MARK3: variants seen among roughly 807,000 people sequenced by gnomAD.
MARK3 encodes MAP/microtubule affinity-regulating kinase 3.
Under a neutral mutation model 90.1 loss-of-function variants are expected in MARK3, and 46 were observed. The ratio of observed to expected loss-of-function variants is 0.51; its 90% CI spans 0.40 to 0.65. The LOEUF is 0.65. Among genes scored for constraint, MARK3 ranks in the 30% least tolerant of loss-of-function variants. The probability of loss-of-function intolerance (pLI) is 0.00; values close to 1 mark genes in which losing one functional copy is unlikely to be tolerated. For missense variants in MARK3, 818 were observed against 947.2 expected, an observed-to-expected ratio of 0.86 and a Z score of 1.79; for synonymous variants, 321 against 332.6, an observed-to-expected ratio of 0.97 and a Z score of 0.38.
intron 4 of MARK3, among the ~76,000 whole-genome samples, chr14:103,450,561 T>C (rs2093111238): frequency 6.6e-6 from 1 of 152,220 alleles, no homozygotes; most frequent in Non-Finnish European, 1.5e-5. Context: ...TAGAAGAGTT[T>C]TATTTTCATG....
chr14:103,449,818 A>G (rs753298175), intron 4 of MARK3, among the ~76,000 whole-genome samples: 2 of 152,246 alleles, frequency 1.3e-5, no homozygotes, highest in Non-Finnish European at 2.9e-5. Context: ...ATACAATCTA[A>G]AAATAATATT....
intron 1 of MARK3, among the ~76,000 whole-genome samples, chr14:103,390,950 G>A (rs943000591): frequency 1.3e-5 from 2 of 152,078 alleles, no homozygotes; most frequent in Admixed American, 1.3e-4. Context: ...GGCTCAAGCA[G>A]GCCTCCTGTC....
chr14:103,424,297 C>T (rs2092326715), intron 2 of MARK3, among the ~76,000 whole-genome samples: 1 of 151,754 alleles, frequency 6.6e-6, no homozygotes, highest in South Asian at 2.1e-4. Flanking sequence ...CTTCGGGAGG[C>T]TGAGGTGGGC....
At chr14:103,405,411 CAT>C in intron 2 of MARK3, 144 bp downstream of exon 2, 5 of 571,672 alleles carry the variant, frequency 8.7e-6, no homozygotes, top group Non-Finnish European at 1.4e-5. Context: ...AGTGCAGTGG[CAT>C]GATCTCAGCT....
chr14:103,409,472 A>T (rs7147640), intron 2 of MARK3, among the ~76,000 whole-genome samples: 47,717 of 140,154 alleles, frequency 0.34, 8,723 homozygotes, highest in East Asian at 0.51. Context: ...AAAAGGAAAA[A>T]CTTTGAACAA....
At chr14:103,478,574 C>T (rs1378690910) in intron 13 of MARK3, among the ~76,000 whole-genome samples, 8 of 147,460 alleles carry the variant, frequency 5.4e-5, no homozygotes, top group South Asian at 2.1e-4. Context: ...GATGGCATTT[C>T]GCTCCTGTTG....
Position 103,444,504 on chromosome 14 carries a change from C to T in MARK3, c.298-4415C>T, listed in dbSNP as rs939863345. Among the ~76,000 whole-genome samples, 10 of 152,168 alleles carry T rather than the reference C, an allele frequency of 6.6e-5. No homozygotes were observed. In the East Asian group the frequency reaches 7.7e-4, roughly 12 times the overall value. On this transcript the variant is annotated intron_variant, in intron 3 of 17. Coordinates refer to ENST00000429436, the MANE Select transcript of MARK3 (RefSeq NM_001128918.3). ...ATTAAGATAGTAGAAATAGGCTGGG[C>T]GCGGTGGCTCACGCCTGTAATCCCA...
intron 2 of MARK3, among the ~76,000 whole-genome samples, chr14:103,425,894 C>T (rs1319911386): frequency 1.3e-5 from 2 of 152,152 alleles, no homozygotes; most frequent in Admixed American, 6.5e-5. Context: ...TGTAGCTCCT[C>T]TGGAGGTTAT....
intron 2 of MARK3, among the ~76,000 whole-genome samples, chr14:103,411,552 T>C (rs1439724328): frequency 5.9e-5 from 9 of 152,184 alleles, no homozygotes; most frequent in Non-Finnish European, 1.3e-4. Context: ...CATACTGTGG[T>C]GTTTTTATTA....
chr14:103,487,886 A>G (rs952279489), intron 14 of MARK3, among the ~76,000 whole-genome samples: 6 of 152,080 alleles, frequency 3.9e-5, no homozygotes, highest in Non-Finnish European at 8.8e-5. Context: ...GTCTCTACGA[A>G]AAATACAAAA....
intron 2 of MARK3, among the ~76,000 whole-genome samples, chr14:103,427,526 T>C (rs1439827508): frequency 8.6e-6 from 1 of 116,108 alleles, no homozygotes; most frequent in African/African-American, 2.9e-5. Flanking sequence ...AACAAAAGAA[T>C]GGCTGCTCCA....
intron 1 of MARK3, among the ~76,000 whole-genome samples, chr14:103,398,053 G>A (rs1214630144): frequency 6.6e-6 from 1 of 152,086 alleles, no homozygotes; most frequent in African/African-American, 2.4e-5. Context: ...TTAATATATT[G>A]CATCTAACTG....
chr14:103,472,557 GA>G (rs2093644727), intron 12 of MARK3, among the ~76,000 whole-genome samples: 2 of 147,424 alleles, frequency 1.4e-5, no homozygotes, highest in South Asian at 4.3e-4. Flanking sequence ...TGAGGCAGGA[GA>G]ATGGCGTGAA....
chr14:103,407,982 G>T (rs1223840458), intron 2 of MARK3, among the ~76,000 whole-genome samples: 1 of 151,876 alleles, frequency 6.6e-6, no homozygotes, highest in Admixed American at 6.6e-5. Context: ...CTTTCCCCAG[G>T]CATGGGATTC....
chr14:103,465,485 A>G (rs1345410093), intron 7 of MARK3, 72 bp from the exon 8 acceptor site: 4 of 1,032,066 alleles, frequency 3.9e-6, no homozygotes, highest in Admixed American at 3.7e-5. Context: ...CTTTTCTAAA[A>G]TGCCTAATCC....
Position 103,503,268 on chromosome 14 carries a change from T to TCAGGAAAACACTTTAA in MARK3, c.*41_*42insCAGGAAAACACTTTAA. The TCAGGAAAACACTTTAA allele has an allele frequency of 6.8e-7, 1 of 1,459,872 alleles. No homozygotes were observed. The highest frequency in any genetic ancestry group is 9.5e-7 in the Non-Finnish European group (1 of 1,056,256). The allele number at this position is 1,459,872 out of a possible 1,614,324, so 90.4% of individuals were successfully genotyped here. The stretch of plus-strand genomic sequence containing the variant: ...GTAAATTAAGTAGCAATTAAAGTGT[T>TCAGGAAAACACTTTAA]TTCCTGAACACTGATGGAAATGTAT... On this transcript the variant is annotated 3_prime_UTR_variant, in exon 18 of 18. Coordinates refer to ENST00000429436, the MANE Select transcript of MARK3 (RefSeq NM_001128918.3).
Position 103,475,003 on chromosome 14 carries a change from T to G in MARK3, c.1275T>G (p.Ala425=), listed in dbSNP as rs756868816. Residue 425 remains alanine (A), a synonymous_variant, in exon 13 of 18, where the codon GCT becomes GCG. Transcript: ENST00000429436. ...QRRYSDHAGP[A]IPSVVAYPKR... ...AACTCTTTATTTTAGCTGGACCAGCTATTCCTTCTGTTGTGGCGTATCCGA... is the reference window on the plus strand; with the variant it reads ...AACTCTTTATTTTAGCTGGACCAGCGATTCCTTCTGTTGTGGCGTATCCGA... 9.9e-6 allele frequency: 16 copies of G among 1,612,078 alleles called. No homozygotes were observed. The highest frequency in any genetic ancestry group is 1.4e-5 in the Non-Finnish European group (16 of 1,178,150).
At chr14:103,469,876 C>T (rs1031240368) in intron 12 of MARK3, among the ~76,000 whole-genome samples, 4 of 151,840 alleles carry the variant, frequency 2.6e-5, no homozygotes, top group East Asian at 2.0e-4. Flanking sequence ...GCCTGACCAA[C>T]GTGGTGAAAC....
intron 6 of MARK3, 114 bp from the exon 7 acceptor site, chr14:103,462,291 C>T (rs1051207011): frequency 1.7e-5 from 11 of 654,538 alleles, no homozygotes; most frequent in Non-Finnish European, 2.5e-5. Flanking sequence ...GAAATCCACA[C>T]GGACATTCGA....
Sources: gnomAD v4.1 joint callset for allele counts (sites outside exome capture counted in the v4.1 genomes callset) on GRCh38, gnomAD v4.1.1 for gene constraint, MANE v1.5 for transcripts, NCBI Gene and HGNC (gene_info 2026-07-23, HGNC 2026-07-21) for gene names.